DNAH14: variants seen among roughly 807,000 people sequenced by gnomAD.
The protein encoded by DNAH14 is dynein axonemal heavy chain 14, also known as axonemal beta dynein heavy chain 14.
A neutral mutation model predicts 520.9 loss-of-function variants in DNAH14; 478 were observed. That is an observed-to-expected ratio of 0.92 (90% confidence interval 0.85 to 0.99). The LOEUF (loss-of-function observed/expected upper bound fraction) is 0.99, where lower values mean the gene tolerates loss of function less well. DNAH14 is among the 50% of genes least tolerant of loss of function. The probability of loss-of-function intolerance (pLI) is 0.00; values close to 1 mark genes in which losing one functional copy is unlikely to be tolerated. For synonymous variants in DNAH14, 1,581 were observed against 1,757.2 expected (o/e 0.90, Z 2.51); for missense variants, 4,831 against 5,234.5 (o/e 0.92, Z 2.38).
intron 10 of DNAH14, among the ~76,000 whole-genome samples, chr1:225,014,511 A>C (rs1198926587): frequency 1.3e-5 from 2 of 151,578 alleles, no homozygotes; most frequent in African/African-American, 4.8e-5. Flanking sequence ...ATTATGTTTC[A>C]ATTTTCATTT....
chr1:224,964,576 C>T lies in DNAH14; in HGVS notation c.465C>T (p.Ser155=). 1 of 1,603,164 alleles carries T rather than the reference C, an allele frequency of 6.2e-7. No individual in the cohort carries two copies. Among genetic ancestry groups the T allele is most frequent in the Non-Finnish European group, 8.5e-7 (1 of 1,173,950 alleles). Residue 155 remains serine (S), a synonymous_variant, in exon 5 of 86, where the codon AGC becomes AGT. Transcript: ENST00000682510. ...CGCAGCACAGTTTGAAATACGGAAG[C>T]TCCAAAATTGCAATTCAGAAGATTA... ...ILPQHSLKYG[S]SKIAIQKITL... is the part of the protein sequence containing the mutation.
At chr1:225,239,187 A>C (rs2091813142) in intron 42 of DNAH14, among the ~76,000 whole-genome samples, 1 of 152,160 alleles carries the variant, frequency 6.6e-6, no homozygotes, top group African/African-American at 2.4e-5. Context: ...AATTATGGAT[A>C]GATCTCCTGT....
chr1:224,973,678 T>A (rs1375593318), intron 7 of DNAH14, among the ~76,000 whole-genome samples: 1 of 152,230 alleles, frequency 6.6e-6, no homozygotes, highest in Non-Finnish European at 1.5e-5. Flanking sequence ...TACATTGCCT[T>A]AATTTTTTAC....
chr1:225,207,189 C>G lies in DNAH14; in HGVS notation c.6408C>G (p.Asp2136Glu), dbSNP rs200519891. Reference protein sequence around the residue: ...TLCRILDAFFDFMGKNGGFEQ... With the variant: ...TLCRILDAFFEFMGKNGGFEQ... ...GCAGAATTCTTGATGCTTTCTTTGA[C>G]TTCATGGGTAAAAATGGAGGATTTG... The change falls in exon 41 of 86, where the codon GAC (aspartate) becomes GAG (glutamate). Residue 2136 changes from aspartate to glutamate, a missense_variant. Asp to Glu is a conservative substitution (Grantham distance 45). Coordinates refer to ENST00000682510, the MANE Select transcript of DNAH14 (RefSeq NM_001367479.1). 2.5e-4 allele frequency: 382 copies of G among 1,532,754 alleles called. 1 individual carries two copies. The highest frequency in any genetic ancestry group is 2.2e-4 in the Non-Finnish European group (250 of 1,138,226). The allele number at this position is 1,532,754 out of a possible 1,614,324, so 94.9% of individuals were successfully genotyped here. A position where few individuals can be genotyped will look rare whatever the true frequency, so the allele number is the denominator to read the frequency against.
At chr1:225,367,199 CA>C (rs1392011177) in intron 76 of DNAH14, among the ~76,000 whole-genome samples, 1 of 152,106 alleles carries the variant, frequency 6.6e-6, no homozygotes, top group Non-Finnish European at 1.5e-5. Flanking sequence ...GCCACACTCT[CA>C]AAAAAGCCCT....
At chr1:225,288,399 A>G (rs1009436384) in intron 54 of DNAH14, among the ~76,000 whole-genome samples, 2 of 152,178 alleles carry the variant, frequency 1.3e-5, no homozygotes, top group African/African-American at 4.8e-5. Flanking sequence ...AATGTAATAT[A>G]GTATCCTGGA....
At chr1:225,242,954 C>T (rs951258346) in intron 43 of DNAH14, among the ~76,000 whole-genome samples, 3 of 152,156 alleles carry the variant, frequency 2.0e-5, no homozygotes, top group African/African-American at 7.2e-5. Context: ...ATTGTTAAAA[C>T]ATCATTGTGT....
At chr1:225,003,093 A>C (rs779505636) in intron 9 of DNAH14, among the ~76,000 whole-genome samples, 166 bp downstream of exon 9, 5 of 152,070 alleles carry the variant, frequency 3.3e-5, no homozygotes, top group Non-Finnish European at 7.4e-5. Context: ...CCTTGCAATA[A>C]ATTTTAATAG....
intron 58 of DNAH14, among the ~76,000 whole-genome samples, chr1:225,306,764 T>C (rs978591394): frequency 6.6e-6 from 1 of 152,012 alleles, no homozygotes; most frequent in African/African-American, 2.4e-5. Context: ...GCCAGGACAA[T>C]CTTAAGAGCT....
At chr1:225,395,923 A>G (rs1320705119) in intron 84 of DNAH14, 1 of 152,264 alleles carries the variant, frequency 6.6e-6, no homozygotes, top group Non-Finnish European at 1.5e-5. Flanking sequence ...CGTTAGGAAC[A>G]TGTCAGAAGA....
At chr1:225,389,985 C>T in intron 83 of DNAH14, 112 bp downstream of exon 83, 1 of 924,180 alleles carries the variant, frequency 1.1e-6, no homozygotes. Context: ...ACCTGCGCCT[C>T]CACAGGTGCC....
chr1:225,323,592 T>C (rs112503112), intron 62 of DNAH14, among the ~76,000 whole-genome samples: 5,977 of 152,114 alleles, frequency 0.039, 175 homozygotes, highest in Middle Eastern at 0.075. Flanking sequence ...GCCTCCCGAG[T>C]AGCTGGGGCT....
At chr1:225,344,322 C>T (rs769571025) in intron 69 of DNAH14, among the ~76,000 whole-genome samples, 18 of 151,630 alleles carry the variant, frequency 1.2e-4, no homozygotes, top group Non-Finnish European at 2.4e-4. Context: ...ATTATGTCAT[C>T]ACTCAGGTAT....
intron 36 of DNAH14, among the ~76,000 whole-genome samples, chr1:225,175,038 G>T (rs1259674924): frequency 1.3e-5 from 2 of 152,112 alleles, no homozygotes. Context: ...CTTGATCATG[G>T]TTAATGATCT....
At chr1:225,314,470 T>C (rs1348465995) in intron 60 of DNAH14, among the ~76,000 whole-genome samples, 1 of 152,240 alleles carries the variant, frequency 6.6e-6, no homozygotes, top group Non-Finnish European at 1.5e-5. Flanking sequence ...AATTTGATCC[T>C]GTCATTATGA....
intron 1 of DNAH14, among the ~76,000 whole-genome samples, chr1:224,947,530 C>T (rs2059924346): frequency 1.3e-5 from 2 of 151,982 alleles, no homozygotes; most frequent in Admixed American, 1.3e-4. Flanking sequence ...TCTTTTGATC[C>T]TCTTGATTGA....
chr1:225,290,084 T>C lies in DNAH14; in HGVS notation c.8469+2T>C, dbSNP rs1483899824. On this transcript the variant is annotated splice_donor_variant, in intron 55 of 85. Coordinates refer to ENST00000682510, the MANE Select transcript of DNAH14 (RefSeq NM_001367479.1). LOFTEE classifies it high-confidence loss of function. ...GTTCCCAATTTAAACATAGAACAAG[T>C]AAGTACTTTTTGTCTTTGCTATTTG... is the stretch of plus-strand genomic sequence containing the variant. The C allele has an allele frequency of 2.8e-6, 4 of 1,427,362 alleles. No individual in the cohort carries two copies. Among genetic ancestry groups the C allele is most frequent in the Non-Finnish European group, 2.8e-6 (3 of 1,078,888 alleles). The allele number at this position is 1,427,362 out of a possible 1,614,324, so 88.4% of individuals were successfully genotyped here.
intron 4 of DNAH14, among the ~76,000 whole-genome samples, chr1:224,963,738 C>G (rs2060983185): frequency 6.6e-6 from 1 of 152,046 alleles, no homozygotes; most frequent in Admixed American, 6.6e-5. Context: ...AATACCTCAC[C>G]TAGGGCACAA....
At chr1:225,111,918 G>A (rs1159793219) in intron 23 of DNAH14, among the ~76,000 whole-genome samples, 2 of 151,996 alleles carry the variant, frequency 1.3e-5, no homozygotes, top group Non-Finnish European at 2.9e-5. Flanking sequence ...CAAAAACAAA[G>A]CTAATAAAAA....
Sources: allele counts gnomAD v4.1 joint callset (sites outside exome capture counted in the v4.1 genomes callset), GRCh38; gene constraint gnomAD v4.1.1; transcripts MANE v1.5; gene names NCBI Gene and HGNC (gene_info 2026-07-23, HGNC 2026-07-21).